The following ZNF675 variants were observed in gnomAD, a reference collection of about 807,000 sequenced individuals.
ZNF675 encodes TRAF6 inhibitory zinc finger.
A neutral mutation model predicts 56.1 loss-of-function variants in ZNF675; 36 were observed. The observed-to-expected ratio is 0.64, with a 90% CI of 0.49 to 0.85. The LOEUF (loss-of-function observed/expected upper bound fraction) is 0.85. ZNF675 is among the 40% of genes least tolerant of loss of function. The probability of loss-of-function intolerance (pLI) is 0.00; values close to 1 mark genes in which losing one functional copy is unlikely to be tolerated. For missense variants in ZNF675, 663 were observed against 654.2 expected, an observed-to-expected ratio of 1.01 and a Z score of -0.15; for synonymous variants, 200 against 218.9, an observed-to-expected ratio of 0.91 and a Z score of 0.76.
chr19:23,654,097 G>A lies in ZNF675; in HGVS notation c.836C>T (p.Thr279Ile), dbSNP rs760632526. The A allele has an allele frequency of 1.9e-6, 3 of 1,613,818 alleles. No individual in the cohort carries two copies. The highest frequency in any genetic ancestry group is 2.5e-6 in the Non-Finnish European group (3 of 1,179,998). Residue 279 changes from threonine to isoleucine, a missense_variant, in exon 4 of 4, where the codon ACA becomes ATA. Thr to Ile is a moderately conservative substitution (Grantham distance 89, BLOSUM62 -1). Transcript: ENST00000359788. ...TTCACATTTGTAGGGTTTCTCTCCT[G>A]TATGAATTATCTTATGTGTAGTAAG... The part of the protein sequence containing the change: ...SHLTTHKIIH[T>I]GEKPYKCEEC...
intron 1 of ZNF675, among the ~76,000 whole-genome samples, chr19:23,682,673 C>G (rs894734691): frequency 2.6e-5 from 4 of 151,580 alleles, no homozygotes; most frequent in African/African-American, 9.8e-5. Context: ...TTTGCAGGCT[C>G]AATATTAGCT....
chr19:23,655,991 T>C (rs1967978016), intron 3 of ZNF675: 1 of 152,026 alleles, frequency 6.6e-6, no homozygotes, highest in African/African-American at 2.4e-5. Context: ...TGCCAGCTAC[T>C]TGGGAGACTG....
At chr19:23,660,932 CTT>C (rs56888844) in intron 3 of ZNF675, among the ~76,000 whole-genome samples, 284 of 119,778 alleles carry the variant, frequency 2.4e-3, no homozygotes, top group Middle Eastern at 4.1e-3. Flanking sequence ...TTGTAATTTT[CTT>C]TTTTTTTTTT....
chr19:23,686,943 G>C (rs1487744419), intron 1 of ZNF675, 88 bp downstream of exon 1: 3 of 1,501,264 alleles, frequency 2.0e-6, no homozygotes, highest in African/African-American at 1.4e-5. Flanking sequence ...AGCTGACTGC[G>C]GGGAGGCCTG....
chr19:23,666,044 T>G (rs1230031814), intron 1 of ZNF675, among the ~76,000 whole-genome samples: 2 of 152,210 alleles, frequency 1.3e-5, no homozygotes, highest in Admixed American at 6.5e-5. Flanking sequence ...GAGGTACACA[T>G]GTACTAATGA....
chr19:23,674,311 AGAGAAAAAT>A (rs1467807221), intron 1 of ZNF675, among the ~76,000 whole-genome samples: 1 of 151,898 alleles, frequency 6.6e-6, no homozygotes, highest in Non-Finnish European at 1.5e-5. Context: ...TTTAAAAAGC[AGAGAAAAAT>A]ATCTACATAT....
Position 23,653,270 on chromosome 19 carries a change from T to C in ZNF675, c.1663A>G (p.Lys555Glu), listed in dbSNP as rs745387741. The change falls in exon 4 of 4, where the codon AAA (lysine) becomes GAA (glutamate). Residue 555 changes from lysine to glutamate, a missense_variant. Lys to Glu is a moderately conservative substitution (Grantham distance 56, BLOSUM62 1). This residue lies in a region of ZNF675 where 617 missense variants were observed against 590.5 expected (regional missense o/e 1.04). Coordinates refer to ENST00000359788, the MANE Select transcript of ZNF675 (RefSeq NM_138330.3). ...AGTTTCTCTCCAGTATGTATTTTTT[T>C]ATGTTTAGTAAGGTTTGCAGATTGG... ...FNQSANLTKH[K>E]KIHTGEKLQN... is the part of the protein sequence containing the mutation. The C allele has an allele frequency of 8.7e-6, 14 of 1,610,822 alleles. No individual in the cohort carries two copies. Among genetic ancestry groups the C allele is most frequent in the Non-Finnish European group, 1.2e-5 (14 of 1,178,626 alleles).
chr19:23,655,001 T>C (rs6511464), intron 3 of ZNF675: 188,402 of 214,902 alleles, frequency 0.88, 83,288 homozygotes, highest in Non-Finnish European at 0.92. Flanking sequence ...TTTAGGAGGC[T>C]GAAGCGGGCG....
chr19:23,669,595 C>T (rs112380572), intron 1 of ZNF675, among the ~76,000 whole-genome samples: 106 of 152,114 alleles, frequency 7.0e-4, no homozygotes, highest in African/African-American at 2.5e-3. Flanking sequence ...CATAGTAGTC[C>T]GGGCGTGGTG....
At chr19:23,666,148 T>C (rs2144933492) in intron 1 of ZNF675, among the ~76,000 whole-genome samples, 1 of 152,334 alleles carries the variant, frequency 6.6e-6, no homozygotes, top group African/African-American at 2.4e-5. Flanking sequence ...TTTCCATGCC[T>C]AAGTAACAAA....
At chr19:23,676,047 A>G (rs1968290571) in intron 1 of ZNF675, among the ~76,000 whole-genome samples, 1 of 151,616 alleles carries the variant, frequency 6.6e-6, no homozygotes, top group African/African-American at 2.4e-5. Flanking sequence ...CAAAAATACA[A>G]ACAAGGATGA....
At chr19:23,679,449 G>T (rs894177779) in intron 1 of ZNF675, among the ~76,000 whole-genome samples, 2 of 151,418 alleles carry the variant, frequency 1.3e-5, no homozygotes, top group Non-Finnish European at 2.9e-5. Flanking sequence ...AGATAACCTA[G>T]GAAATATCAT....
chr19:23,657,261 T>C (rs1382337657), intron 3 of ZNF675: 1 of 152,210 alleles, frequency 6.6e-6, no homozygotes, highest in Non-Finnish European at 1.5e-5. Context: ...CTTCAATAGA[T>C]TTTAGATGGT....
rs1191994136 is a variant in ZNF675, at chr19:23,653,497, G to A, written c.1436C>T (p.Pro479Leu). ...EHKKIHSGEI[P>L]YKCEECGKAF... is the part of the protein sequence containing the mutation. ...TTTGCCACATTCTTCACACTTGTAGGGTATCTCTCCAGAATGAATTTTCTT... is the reference window on the plus strand; with the variant it reads ...TTTGCCACATTCTTCACACTTGTAGAGTATCTCTCCAGAATGAATTTTCTT... The change falls in exon 4 of 4, where the codon CCC (proline) becomes CTC (leucine). Residue 479 changes from proline (P) to leucine (L), a missense_variant. Physicochemically the swap from Pro to Leu is moderately conservative, Grantham distance 98. Around this residue, in one of 3 missense-constraint regions of ZNF675, gnomAD observed 617 missense variants for 590.5 expected, o/e 1.04. Coordinates refer to ENST00000359788, the MANE Select transcript of ZNF675 (RefSeq NM_138330.3). 4 of 1,613,090 alleles carry A rather than the reference G, an allele frequency of 2.5e-6. No homozygotes were observed. The Admixed American group carries it at 5.0e-5, about 20-fold the overall frequency.
intron 1 of ZNF675, among the ~76,000 whole-genome samples, chr19:23,676,642 G>A (rs889665016): frequency 6.6e-6 from 1 of 151,764 alleles, no homozygotes; most frequent in African/African-American, 2.4e-5. Context: ...AAAGCTTTCA[G>A]TAAAATTTAA....
intron 1 of ZNF675, among the ~76,000 whole-genome samples, chr19:23,664,532 C>G (rs1968123866): frequency 6.6e-6 from 1 of 152,214 alleles, no homozygotes; most frequent in African/African-American, 2.4e-5. Flanking sequence ...TTTCCTGTCA[C>G]TACCAAACCA....
intron 1 of ZNF675, among the ~76,000 whole-genome samples, chr19:23,667,589 TAG>T (rs1968169886): frequency 6.6e-6 from 1 of 151,626 alleles, no homozygotes; most frequent in Non-Finnish European, 1.5e-5. Context: ...AGTAGCTAGA[TAG>T]AGTGTCGATT....
chr19:23,678,591 C>T (rs1358287965), intron 1 of ZNF675, among the ~76,000 whole-genome samples: 1 of 147,296 alleles, frequency 6.8e-6, no homozygotes, highest in Admixed American at 6.8e-5. Flanking sequence ...AAATTAAATA[C>T]ATATGGAACC....
intron 1 of ZNF675, among the ~76,000 whole-genome samples, chr19:23,674,984 A>AGAG (rs11461936): frequency 1.1e-4 from 15 of 138,792 alleles, no homozygotes; most frequent in South Asian, 2.3e-4. Flanking sequence ...AAAAAAAAAA[A>AGAG]AGAGAGAGAG....
Sources: gnomAD v4.1 joint callset for allele counts (sites outside exome capture counted in the v4.1 genomes callset) on GRCh38, gnomAD v4.1.1 for gene constraint, gnomAD v4.1.1 regional missense constraint, MANE v1.5 for transcripts, NCBI Gene and HGNC (gene_info 2026-07-23, HGNC 2026-07-21) for gene names.